Variants in FAM76A observed in about 807,000 individuals in gnomAD.
FAM76A encodes the protein protein FAM76A.
FAM76A carries 32 observed loss-of-function variants against 46.2 expected under a neutral mutation model. That is an observed-to-expected ratio of 0.69 (90% CI 0.52 to 0.93). The LOEUF (loss-of-function observed/expected upper bound fraction) is 0.93, where lower values mean the gene tolerates loss of function less well. FAM76A is among the 40% of genes least tolerant of loss of function. The probability of loss-of-function intolerance (pLI) is 0.00; values close to 1 mark genes in which losing one functional copy is unlikely to be tolerated. For synonymous variants in FAM76A, 137 were observed against 127.0 expected, an observed-to-expected ratio of 1.08 and a Z score of -0.53; for missense variants, 274 against 361.5, an observed-to-expected ratio of 0.76 and a Z score of 1.96.
Position 27,759,589 on chromosome 1 carries a change from A to G in FAM76A, c.799A>G (p.Met267Val), listed in dbSNP as rs763384928. ...ESQMRAKMNQ[M>V]EKTHKEVTEQ... ...GCAGATGAGAGCCAAAATGAACCAG[A>G]TGGAGAAAACCCACAAAGAAGTCAC... Residue 267 changes from methionine to valine, a missense_variant, in exon 8 of 9, where the codon ATG becomes GTG. Coordinates refer to ENST00000373954, the MANE Select transcript of FAM76A (RefSeq NM_152660.3). 8 of 1,613,764 alleles carry G rather than the reference A, an allele frequency of 5.0e-6. No individual in the cohort carries two copies. Among genetic ancestry groups the G allele is most frequent in the African/African-American group, 2.7e-5 (2 of 74,898 alleles).
chr1:27,727,471 G>C lies in FAM76A; in HGVS notation c.82-1G>C. ...AAAATTATATCCTCATTTCATTTCAGGAATGTCGGATTGCACACCCTGTTG... is the reference window on the plus strand; with the variant it reads ...AAAATTATATCCTCATTTCATTTCACGAATGTCGGATTGCACACCCTGTTG... On this transcript the variant is annotated splice_acceptor_variant, in intron 1 of 8. Transcript: ENST00000373954. LOFTEE classifies it high-confidence loss of function. The C allele has an allele frequency of 6.2e-7, 1 of 1,613,308 alleles. No individual in the cohort carries two copies. The highest frequency in any genetic ancestry group is 8.5e-7 in the Non-Finnish European group (1 of 1,179,394).
At position 27,726,036 on chromosome 1, in the gene FAM76A, C is replaced by T. The variant is rs1049049196; in HGVS notation, c.-45C>T. ...TTGTGCCTCAGACTGTCAGATAAAT[C>T]GGCGGGCCGGGCCGGCGGGTCGGTG... On this transcript the variant is annotated 5_prime_UTR_variant, in exon 1 of 9. Transcript: ENST00000373954. 2 of 1,250,924 alleles carry T rather than the reference C, an allele frequency of 1.6e-6. No individual in the cohort carries two copies. The highest frequency in any genetic ancestry group is 1.6e-5 in the African/African-American group (1 of 64,016). 77.5% of individuals were successfully genotyped at this position (1,250,924 alleles called of 1,614,324 possible). A position where few individuals can be genotyped will look rare whatever the true frequency, so the allele number is the denominator to read the frequency against.
At chr1:27,737,747 C>T (rs2088074555) in intron 4 of FAM76A, among the ~76,000 whole-genome samples, 1 of 151,190 alleles carries the variant, frequency 6.6e-6, no homozygotes, top group African/African-American at 2.4e-5. Context: ...AGCTACTCAG[C>T]AGGCTGAGGT....
rs146605269 is a variant in FAM76A at position 27,736,972 on chromosome 1, G to A, written c.354+2789G>A. Among the ~76,000 whole-genome samples the A allele has an allele frequency of 4.1e-4, 61 of 150,374 alleles. No individual in the cohort carries two copies. The East Asian group carries it at 0.012, about 30-fold the overall frequency. Reference sequence around the variant, plus strand: ...TGTTGTTGTTGTTGTTTGAGACGGAGTTTCGCTGTTGTTGTTGCCCAGGCT... The same window carrying A: ...TGTTGTTGTTGTTGTTTGAGACGGAATTTCGCTGTTGTTGTTGCCCAGGCT... On this transcript the variant is annotated intron_variant, in intron 4 of 8. Transcript: ENST00000373954.
In FAM76A at chr1:27,760,608, C is replaced by T; in HGVS notation, c.*27C>T. On this transcript the variant is annotated 3_prime_UTR_variant, in exon 9 of 9. Transcript: ENST00000373954. The stretch of plus-strand genomic sequence containing the variant: ...AGACCTCAAGGAGGCTCCCTAGCAA[C>T]AGCAAATGGAGTTGTCCAGGGTTAG... 6.4e-7 allele frequency: 1 copy of T among 1,558,650 alleles called. No individual in the cohort carries two copies. The highest frequency in any genetic ancestry group is 1.4e-5 in the African/African-American group (1 of 73,472).
At chr1:27,757,703 T>A (rs898621836) in intron 7 of FAM76A, among the ~76,000 whole-genome samples, 1 of 151,424 alleles carries the variant, frequency 6.6e-6, no homozygotes, top group Admixed American at 6.6e-5. Context: ...GAGGCCGGGC[T>A]TGGTGGCTCA....
chr1:27,752,464 T>C (rs76967069), intron 6 of FAM76A, among the ~76,000 whole-genome samples: 1 of 152,240 alleles, frequency 6.6e-6, no homozygotes, highest in Non-Finnish European at 1.5e-5. Flanking sequence ...ATACACTGGC[T>C]ACTTTTTAAT....
intron 4 of FAM76A, among the ~76,000 whole-genome samples, chr1:27,734,947 C>T (rs1287122350): frequency 2.0e-5 from 3 of 152,216 alleles, no homozygotes; most frequent in Admixed American, 6.5e-5. Context: ...AGAGTTTGGT[C>T]ATATTACTCT....
At chr1:27,749,287 A>G (rs1287967552) in intron 6 of FAM76A, 133 bp downstream of exon 6, 1 of 489,050 alleles carries the variant, frequency 2.0e-6, no homozygotes, top group Admixed American at 4.0e-5. Context: ...CAGTACTGAT[A>G]TTTGTTTATA....
intron 5 of FAM76A, among the ~76,000 whole-genome samples, chr1:27,747,118 C>T (rs1269477074): frequency 6.6e-6 from 1 of 152,122 alleles, no homozygotes. Flanking sequence ...GCAGCAGTCC[C>T]ACCCCAGAAT....
intron 6 of FAM76A, among the ~76,000 whole-genome samples, chr1:27,751,743 C>G (rs1393074251): frequency 6.6e-6 from 1 of 152,050 alleles, no homozygotes; most frequent in East Asian, 1.9e-4. Context: ...TTCAAGTGAT[C>G]CTCCTATGTT....
chr1:27,735,945 C>A (rs1571473039), intron 4 of FAM76A, among the ~76,000 whole-genome samples: 1 of 152,154 alleles, frequency 6.6e-6, no homozygotes, highest in East Asian at 1.9e-4. Flanking sequence ...TTATAAATTA[C>A]AATCCTGTCT....
intron 8 of FAM76A, chr1:27,759,957 G>A (rs57237569): frequency 2.2e-6 from 1 of 462,622 alleles, no homozygotes; most frequent in South Asian, 1.5e-5. Flanking sequence ...TTTTTTTGTA[G>A]AGATGGGCTC....
chr1:27,730,002 A>G (rs1289521286), intron 2 of FAM76A, among the ~76,000 whole-genome samples: 4 of 152,174 alleles, frequency 2.6e-5, no homozygotes, highest in African/African-American at 7.2e-5. Flanking sequence ...CTGGGACTTC[A>G]TGTTAGTGGA....
chr1:27,744,494 T>C (rs2088208125), intron 4 of FAM76A, among the ~76,000 whole-genome samples, 160 bp from the exon 5 acceptor site: 1 of 152,200 alleles, frequency 6.6e-6, no homozygotes, highest in Non-Finnish European at 1.5e-5. Flanking sequence ...ACCTACATTA[T>C]GTCACTAGAT....
Position 27,760,774 on chromosome 1 carries a change from T to C in FAM76A, c.*193T>C, listed in dbSNP as rs140351910. 956 of 301,236 alleles carry C rather than the reference T, an allele frequency of 3.2e-3. 17 individuals are homozygous for C. The highest frequency in any genetic ancestry group is 0.02 in the African/African-American group (901 of 45,408). The allele number at this position is 301,236 out of a possible 1,614,324, so 18.7% of individuals were successfully genotyped here. On this transcript the variant is annotated 3_prime_UTR_variant, in exon 9 of 9. Transcript: ENST00000373954. Reference sequence around the variant, plus strand: ...TGCTGTGTTAGACTGCATGCTTGAGTGTTTGGGATTTCAAGCTCGCTCTCT... The same window carrying C: ...TGCTGTGTTAGACTGCATGCTTGAGCGTTTGGGATTTCAAGCTCGCTCTCT...
intron 4 of FAM76A, chr1:27,740,573 G>T: frequency 1.0e-6 from 1 of 991,612 alleles, no homozygotes; most frequent in South Asian, 1.3e-5. Context: ...ATCTGTGATT[G>T]ACTTGTTAAG....
At chr1:27,756,784 G>A (rs1438239889) in intron 7 of FAM76A, among the ~76,000 whole-genome samples, 1 of 147,754 alleles carries the variant, frequency 6.8e-6, no homozygotes, top group Non-Finnish European at 1.5e-5. Context: ...TTTAGGCTGG[G>A]CACACTGGCT....
intron 4 of FAM76A, chr1:27,740,303 A>G (rs1374392989): frequency 7.1e-6 from 6 of 846,342 alleles, no homozygotes; most frequent in Non-Finnish European, 1.2e-5. Context: ...TTACCATCAA[A>G]CCAGGAACTA....
Sources: allele counts gnomAD v4.1 joint callset (sites outside exome capture counted in the v4.1 genomes callset), GRCh38; gene constraint gnomAD v4.1.1; transcripts MANE v1.5; gene names NCBI Gene and HGNC (gene_info 2026-07-23, HGNC 2026-07-21).